CNST: variants seen among roughly 807,000 people sequenced by gnomAD.
CNST encodes consortin, connexin sorting protein, also known as consortin.
A neutral mutation model predicts 72.4 loss-of-function variants in CNST; 39 were observed. The observed-to-expected ratio is 0.54, with a 90% CI of 0.42 to 0.70. The LOEUF (loss-of-function observed/expected upper bound fraction) is 0.70. Ranked by LOEUF, CNST falls within the 30% of genes least tolerant of loss-of-function variation. CNST has a pLI of 0.00. For missense variants in CNST, 871 were observed against 868.5 expected, an observed-to-expected ratio of 1.00 and a Z score of -0.04; for synonymous variants, 332 against 320.1, an observed-to-expected ratio of 1.04 and a Z score of -0.40.
chr1:246,589,561 G>A (rs930401352), intron 1 of CNST, among the ~76,000 whole-genome samples: 19 of 152,040 alleles, frequency 1.2e-4, no homozygotes, highest in African/African-American at 4.3e-4. Context: ...TGTGAATAGT[G>A]CCACAATAAA....
intron 2 of CNST, among the ~76,000 whole-genome samples, chr1:246,613,053 A>G (rs975619889): frequency 1.3e-5 from 2 of 152,140 alleles, no homozygotes; most frequent in South Asian, 4.1e-4. Context: ...CCTTGTCACA[A>G]TCTTATCAAG....
intron 1 of CNST, among the ~76,000 whole-genome samples, chr1:246,568,270 A>AGCCTACTGAGTC (rs1659848668): frequency 6.6e-6 from 1 of 152,188 alleles, no homozygotes; most frequent in African/African-American, 2.4e-5. Context: ...TCCTAGAAAA[A>AGCCTACTGAGTC]CTGATGTCAT....
At chr1:246,592,851 G>A (rs1221704624) in intron 2 of CNST, among the ~76,000 whole-genome samples, 2 of 152,236 alleles carry the variant, frequency 1.3e-5, no homozygotes, top group African/African-American at 4.8e-5. Context: ...CAGTTTGGCA[G>A]TTGAAGTTTA....
chr1:246,574,971 A>ATTTT (rs1368801593), intron 1 of CNST, among the ~76,000 whole-genome samples: 1 of 60,528 alleles, frequency 1.7e-5, no homozygotes, highest in African/African-American at 4.8e-5. Flanking sequence ...TTCCTCAAGT[A>ATTTT]TTTTATTTAT....
intron 2 of CNST, chr1:246,607,286 C>A (rs1662920503): frequency 6.6e-6 from 1 of 151,982 alleles, no homozygotes; most frequent in South Asian, 2.1e-4. Context: ...CATGCCACGG[C>A]CACTGTTCAC....
chr1:246,642,955 C>T (rs1217015508), intron 8 of CNST, among the ~76,000 whole-genome samples: 1 of 148,372 alleles, frequency 6.7e-6, no homozygotes, highest in African/African-American at 2.5e-5. Flanking sequence ...GCAGTGGCAC[C>T]ATCACGGCTC....
chr1:246,620,921 C>T (rs984210536), intron 2 of CNST, among the ~76,000 whole-genome samples: 13 of 152,190 alleles, frequency 8.5e-5, no homozygotes, highest in African/African-American at 1.4e-4. Flanking sequence ...TGGCTTCAGT[C>T]GTGCATACAC....
chr1:246,590,019 T>A (rs934771997), intron 1 of CNST, among the ~76,000 whole-genome samples: 4 of 152,190 alleles, frequency 2.6e-5, no homozygotes, highest in African/African-American at 9.6e-5. Context: ...ACATTAGCCC[T>A]TTGTCAGATG....
At chr1:246,576,882 A>C (rs929025737) in intron 1 of CNST, among the ~76,000 whole-genome samples, 1 of 151,992 alleles carries the variant, frequency 6.6e-6, no homozygotes, top group Non-Finnish European at 1.5e-5. Flanking sequence ...CAGTGCTTTA[A>C]GATAAAGGAG....
chr1:246,606,811 G>A (rs749255364), intron 2 of CNST: 48 of 152,130 alleles, frequency 3.2e-4, no homozygotes, highest in Non-Finnish European at 5.4e-4. Flanking sequence ...TTGGAAGTAA[G>A]ATGAATCCAG....
Position 246,650,676 on chromosome 1 carries a change from C to CTTTTT in CNST, c.1836+2654_1836+2658dup, listed in dbSNP as rs10693662. On this transcript the variant is annotated intron_variant, in intron 9 of 10. Transcript: ENST00000366513. ...TGAACATATAAAATTTTAATTCAAA[C>CTTTTT]TTTTTTTTTTTTTTTTTTTGATACA... Among the ~76,000 whole-genome samples the CTTTTT allele has an allele frequency of 2.1e-3, 273 of 127,624 alleles. 6 individuals carry two copies. The highest frequency in any genetic ancestry group is 3.1e-3 in the East Asian group (14 of 4,464). 83.7% of individuals were successfully genotyped at this position (127,624 alleles called of 152,430 possible).
rs749400110 is a variant in CNST at position 246,566,474 on chromosome 1, C to T, written c.-241C>T. ...ATGCTCCGCGGTCGCGGGCCGCCAG[C>T]CTCCAGCCGGCCAGCCGCGAGGGGT... is the stretch of plus-strand genomic sequence containing the variant. On this transcript the variant is annotated 5_prime_UTR_variant, in exon 1 of 11. Coordinates refer to ENST00000366513, the MANE Select transcript of CNST (RefSeq NM_152609.3). 58 of 443,278 alleles carry T rather than the reference C, an allele frequency of 1.3e-4. No homozygotes were observed. Among genetic ancestry groups the T allele is most frequent in the Non-Finnish European group, 2.2e-4 (55 of 249,364 alleles). 27.5% of individuals were successfully genotyped at this position (443,278 alleles called of 1,614,324 possible).
At chr1:246,638,664 G>A (rs1353571949) in intron 6 of CNST, among the ~76,000 whole-genome samples, 1 of 152,084 alleles carries the variant, frequency 6.6e-6, no homozygotes, top group African/African-American at 2.4e-5. Context: ...TAGTGTGGGC[G>A]GGTGACACTA....
At chr1:246,607,354 C>T (rs1344226907) in intron 2 of CNST, 1 of 152,038 alleles carries the variant, frequency 6.6e-6, no homozygotes, top group South Asian at 2.1e-4. Context: ...AGCGCGATGC[C>T]CTCTCCTAGA....
intron 6 of CNST, among the ~76,000 whole-genome samples, chr1:246,637,270 C>T (rs544064601): frequency 2.0e-5 from 3 of 152,232 alleles, no homozygotes; most frequent in African/African-American, 4.8e-5. Flanking sequence ...AGTATCACAG[C>T]GTAGGGGCCT....
intron 2 of CNST, among the ~76,000 whole-genome samples, chr1:246,604,553 AGG>A (rs536380813): frequency 5.8e-4 from 88 of 152,294 alleles, no homozygotes; most frequent in African/African-American, 2.0e-3. Flanking sequence ...ATATTAAAGA[AGG>A]GGGGCTTTTA....
Position 246,591,864 on chromosome 1 carries a change from T to C in CNST, c.302T>C (p.Phe101Ser), listed in dbSNP as rs1169870517. 6.2e-7 allele frequency: 1 copy of C among 1,613,946 alleles called. No individual in the cohort carries two copies. The highest frequency in any genetic ancestry group is 8.5e-7 in the Non-Finnish European group (1 of 1,179,990). ...GAAGCCTCCAGAGATGAACAGGCCTTCTTGGGAAAGGACAAAAAAATTCCT... is the reference window on the plus strand; with the variant it reads ...GAAGCCTCCAGAGATGAACAGGCCTCCTTGGGAAAGGACAAAAAAATTCCT... The part of the protein sequence containing the change: ...LCEASRDEQA[F>S]LGKDKKIPGK... The change falls in exon 2 of 11, where the codon TTC (phenylalanine) becomes TCC (serine). Residue 101 changes from phenylalanine (F) to serine (S), a missense_variant. Coordinates refer to ENST00000366513, the MANE Select transcript of CNST (RefSeq NM_152609.3).
At position 246,664,600 on chromosome 1, in the gene CNST, A is replaced by C. The variant is rs7515639; in HGVS notation, c.1973-1100A>C. On this transcript the variant is annotated intron_variant, in intron 10 of 10. Transcript: ENST00000366513. ...TGCCACCACGCCCAGCTGATTTTTTATATTTTTAGTAGAGACGGGGTTTCA... is the reference window on the plus strand; with the variant it reads ...TGCCACCACGCCCAGCTGATTTTTTCTATTTTTAGTAGAGACGGGGTTTCA... Among the ~76,000 whole-genome samples, 18 of 151,504 alleles carry C rather than the reference A, an allele frequency of 1.2e-4. No homozygotes were observed. The East Asian group carries it at 1.4e-3, about 11-fold the overall frequency.
intron 5 of CNST, 61 bp from the exon 6 acceptor site, chr1:246,634,412 G>GT (rs11396823): frequency 0.29 from 289,787 of 986,536 alleles, 48,698 homozygotes; most frequent in East Asian, 0.67. Flanking sequence ...CTGTTTGTTT[G>GT]TTTTTTTGCT....
Sources: gnomAD v4.1 joint callset for allele counts (sites outside exome capture counted in the v4.1 genomes callset) on GRCh38, gnomAD v4.1.1 for gene constraint, MANE v1.5 for transcripts, NCBI Gene and HGNC (gene_info 2026-07-23, HGNC 2026-07-21) for gene names.